FAM210A: variants seen among roughly 807,000 people sequenced by gnomAD.
FAM210A encodes family with sequence similarity 210 member A.
Under a neutral mutation model 25.3 loss-of-function variants are expected in FAM210A, and 13 were observed. That is an observed-to-expected ratio of 0.51 (90% CI 0.33 to 0.82). FAM210A has a LOEUF of 0.82. Ranked by LOEUF, FAM210A falls within the 40% of genes least tolerant of loss-of-function variation. The pLI, the probability that FAM210A is intolerant of heterozygous loss-of-function variation, is 0.02. For missense variants in FAM210A, 319 were observed against 323.2 expected (o/e 0.99, Z 0.10); for synonymous variants, 125 against 118.7 (o/e 1.05, Z -0.35).
At chr18:13,712,884 C>G (rs1301655629) in intron 1 of FAM210A, among the ~76,000 whole-genome samples, 1 of 152,138 alleles carries the variant, frequency 6.6e-6, no homozygotes, top group African/African-American at 2.4e-5. Flanking sequence ...CTGCAGTATA[C>G]AAAGACTGAT....
chr18:13,709,295 A>AC (rs1306355381), intron 1 of FAM210A, among the ~76,000 whole-genome samples: 3 of 151,644 alleles, frequency 2.0e-5, no homozygotes, highest in Non-Finnish European at 2.9e-5. Context: ...CCCTCCACAC[A>AC]CCCCTACCCA....
chr18:13,710,976 C>T (rs1601966173), intron 1 of FAM210A, among the ~76,000 whole-genome samples: 2 of 152,232 alleles, frequency 1.3e-5, no homozygotes, highest in Non-Finnish European at 2.9e-5. Flanking sequence ...ACACTACTGG[C>T]TTCTTTCCTT....
intron 3 of FAM210A, among the ~76,000 whole-genome samples, chr18:13,671,220 C>T (rs2149051493): frequency 6.6e-6 from 1 of 152,240 alleles, no homozygotes; most frequent in South Asian, 2.1e-4. Context: ...TACAGGGGAG[C>T]TTCTTCCTTC....
chr18:13,698,830 C>T (rs1363414220), intron 1 of FAM210A, among the ~76,000 whole-genome samples: 7 of 152,194 alleles, frequency 4.6e-5, no homozygotes, highest in African/African-American at 7.2e-5. Context: ...CCCCTCCCCC[C>T]GATACCTATA....
chr18:13,722,844 CCTTTCT>C (rs1370412053), intron 1 of FAM210A, among the ~76,000 whole-genome samples: 2 of 130,814 alleles, frequency 1.5e-5, no homozygotes, highest in East Asian at 3.6e-4. Flanking sequence ...CCTTTTCTTT[CCTTTCT>C]TTTTTTTTTT....
chr18:13,695,665 G>A (rs1353871328), intron 1 of FAM210A, among the ~76,000 whole-genome samples: 1 of 150,724 alleles, frequency 6.6e-6, no homozygotes, highest in Non-Finnish European at 1.5e-5. Flanking sequence ...ACTGAACAAT[G>A]AGAACACTTG....
rs2149049354 is a variant in FAM210A, at chr18:13,665,604, T to C, written c.*876A>G. 1 of 151,872 alleles carries C rather than the reference T, an allele frequency of 6.6e-6. No homozygotes were observed. The highest frequency in any genetic ancestry group is 1.5e-5 in the Non-Finnish European group (1 of 67,970). The allele number at this position is 151,872 out of a possible 1,614,324, so 9.4% of individuals were successfully genotyped here. On this transcript the variant is annotated 3_prime_UTR_variant, in exon 4 of 4. Coordinates refer to ENST00000651643, the MANE Select transcript of FAM210A (RefSeq NM_152352.4). ...AGTCTCCATGAAAACCTGACTCCAT[T>C]TTTAGTCTCCCAAACCTTTTTCTGC...
intron 1 of FAM210A, among the ~76,000 whole-genome samples, chr18:13,699,316 T>A (rs2043720170): frequency 6.6e-6 from 1 of 152,178 alleles, no homozygotes; most frequent in South Asian, 2.1e-4. Flanking sequence ...TAATACCACA[T>A]TTGAACCACA....
At chr18:13,676,798 A>G (rs2043507410) in intron 2 of FAM210A, among the ~76,000 whole-genome samples, 1 of 152,140 alleles carries the variant, frequency 6.6e-6, no homozygotes, top group Non-Finnish European at 1.5e-5. Flanking sequence ...ACATCTCTCA[A>G]CTTGGGTTTG....
chr18:13,705,784 T>C (rs2043773687), intron 1 of FAM210A, among the ~76,000 whole-genome samples: 1 of 152,214 alleles, frequency 6.6e-6, no homozygotes, highest in Non-Finnish European at 1.5e-5. Flanking sequence ...CTAAAATAAT[T>C]TCATAACCAA....
In FAM210A at chr18:13,681,674, T is replaced by C. The variant is rs2043554400; in HGVS notation, c.404A>G (p.Lys135Arg). 4.3e-6 allele frequency: 7 copies of C among 1,613,952 alleles called. No homozygotes were observed. Among genetic ancestry groups the C allele is most frequent in the Non-Finnish European group, 5.9e-6 (7 of 1,180,016 alleles). Residue 135 changes from lysine (K) to arginine (R), a missense_variant, in exon 2 of 4, where the codon AAA (lysine) becomes AGA (arginine). By Grantham distance (26) the Lys-to-Arg change is conservative. Transcript: ENST00000651643. ...TATTAGATGCACTGGAATCAGAACT[T>C]TTCCATACTGTCTAAATGTCTTCTT... ...RFKKTFRQYG[K>R]VLIPVHLITS...
chr18:13,666,171 G>A lies in FAM210A; in HGVS notation c.*309C>T, dbSNP rs138324982. On this transcript the variant is annotated 3_prime_UTR_variant, in exon 4 of 4. Coordinates refer to ENST00000651643, the MANE Select transcript of FAM210A (RefSeq NM_152352.4). ...AGCTGCCTAGTATGTGTCAATTACAGCTGCAACAAAACAGAAATCAAGTGT... is the reference window on the plus strand; with the variant it reads ...AGCTGCCTAGTATGTGTCAATTACAACTGCAACAAAACAGAAATCAAGTGT... The A allele has an allele frequency of 1.0e-5, 3 of 293,820 alleles. No individual in the cohort carries two copies. Among genetic ancestry groups the A allele is most frequent in the African/African-American group, 2.2e-5 (1 of 46,474 alleles). 18.2% of individuals were successfully genotyped at this position (293,820 alleles called of 1,614,324 possible). A position where few individuals can be genotyped will look rare whatever the true frequency, so the allele number is the denominator to read the frequency against.
intron 1 of FAM210A, among the ~76,000 whole-genome samples, chr18:13,707,896 CTT>C (rs376355995): frequency 6.8e-6 from 1 of 147,562 alleles, no homozygotes; most frequent in Non-Finnish European, 1.5e-5. Context: ...CATCATTTCC[CTT>C]TTTTTTTTTG....
chr18:13,695,105 AT>A lies in FAM210A; in HGVS notation c.-28-13001del, dbSNP rs2043681237. ...AGACATTTATGCAGCCAACAGACAC[AT>A]GAAAAAATGCTCATCATCACTGGCC... On this transcript the variant is annotated intron_variant, in intron 1 of 3. Coordinates refer to ENST00000651643, the MANE Select transcript of FAM210A (RefSeq NM_152352.4). Among the ~76,000 whole-genome samples the A allele has an allele frequency of 2.0e-5, 3 of 152,366 alleles. No homozygotes were observed. In the South Asian group the frequency reaches 6.2e-4, roughly 32 times the overall value.
intron 1 of FAM210A, among the ~76,000 whole-genome samples, chr18:13,722,815 A>AT (rs1386964211): frequency 6.6e-6 from 1 of 151,078 alleles, no homozygotes; most frequent in African/African-American, 2.4e-5. Flanking sequence ...TCAATCGGGA[A>AT]TTTGAAGCCT....
chr18:13,684,880 T>C (rs1356612750), intron 1 of FAM210A, among the ~76,000 whole-genome samples: 1 of 152,046 alleles, frequency 6.6e-6, no homozygotes, highest in Non-Finnish European at 1.5e-5. Context: ...AAAGAGATAC[T>C]AGAAACCATT....
intron 1 of FAM210A, among the ~76,000 whole-genome samples, chr18:13,688,811 C>T (rs1381901678): frequency 6.6e-6 from 1 of 152,258 alleles, no homozygotes; most frequent in Admixed American, 6.5e-5. Context: ...GATGCTACCA[C>T]ATGGCCTGCA....
chr18:13,666,198 G>C lies in FAM210A; in HGVS notation c.*282C>G. Reference sequence around the variant, plus strand: ...TGCAACAAAACAGAAATCAAGTGTGGTTCTGAAGACCTTGAAAAAGAAGTC... The same window carrying C: ...TGCAACAAAACAGAAATCAAGTGTGCTTCTGAAGACCTTGAAAAAGAAGTC... On this transcript the variant is annotated 3_prime_UTR_variant, in exon 4 of 4. Coordinates refer to ENST00000651643, the MANE Select transcript of FAM210A (RefSeq NM_152352.4). 1 of 350,148 alleles carries C rather than the reference G, an allele frequency of 2.9e-6. No individual in the cohort carries two copies. Among genetic ancestry groups the C allele is most frequent in the Non-Finnish European group, 5.3e-6 (1 of 190,138 alleles). The allele number at this position is 350,148 out of a possible 1,614,324, so 21.7% of individuals were successfully genotyped here. A position where few individuals can be genotyped will look rare whatever the true frequency, so the allele number is the denominator to read the frequency against.
intron 1 of FAM210A, among the ~76,000 whole-genome samples, chr18:13,694,300 A>G (rs1222032204): frequency 6.6e-6 from 1 of 152,212 alleles, no homozygotes; most frequent in African/African-American, 2.4e-5. Context: ...ATACTGCCCA[A>G]GGTAATTTAT....
Sources: gnomAD v4.1 joint callset for allele counts (sites outside exome capture counted in the v4.1 genomes callset) on GRCh38, gnomAD v4.1.1 for gene constraint, MANE v1.5 for transcripts, NCBI Gene and HGNC (gene_info 2026-07-23, HGNC 2026-07-21) for gene names.